KCNJ6: variants seen among roughly 807,000 people sequenced by gnomAD.
The protein encoded by KCNJ6 is G protein-activated inward rectifier potassium channel 2.
In KCNJ6, 9 loss-of-function variants were observed where a neutral mutation model predicts 34.2. The observed-to-expected ratio is 0.26, with a 90% CI of 0.16 to 0.46. The LOEUF (loss-of-function observed/expected upper bound fraction) is 0.46. KCNJ6 is among the 20% of genes least tolerant of loss of function. The pLI is 1.00. For synonymous variants in KCNJ6, 196 were observed against 207.1 expected (o/e 0.95, Z 0.46); for missense variants, 236 against 531.3 (o/e 0.44, Z 5.46).
intron 1 of KCNJ6, among the ~76,000 whole-genome samples, chr21:37,874,090 T>G (rs148592543): frequency 6.6e-6 from 1 of 152,316 alleles, no homozygotes; most frequent in East Asian, 1.9e-4. Context: ...AAACTCATCC[T>G]AATCAGGGGT....
intron 2 of KCNJ6, among the ~76,000 whole-genome samples, chr21:37,799,985 A>G (rs908173857): frequency 6.3e-4 from 96 of 152,232 alleles, no homozygotes; most frequent in African/African-American, 2.2e-3. Context: ...AAATGCCTCT[A>G]TCTGTTAAAC....
chr21:37,912,338 G>T (rs2055870820), intron 1 of KCNJ6, among the ~76,000 whole-genome samples: 1 of 152,204 alleles, frequency 6.6e-6, no homozygotes, highest in African/African-American at 2.4e-5. Flanking sequence ...ATAGTTCGGT[G>T]AATAAGCACT....
rs1384384532 is a variant in KCNJ6, at chr21:37,675,866, G to A, written c.946+38345C>T. 6.7e-6 allele frequency among the ~76,000 whole-genome samples: 1 copy of A among 148,552 alleles called. No individual in the cohort carries two copies. Among genetic ancestry groups the A allele is most frequent in the African/African-American group, 2.5e-5 (1 of 40,358 alleles). Reference sequence around the variant, plus strand: ...CCTGACCCCAACCCATGTCAATAGCGGGGGTGGGGGTGGGGGTGGGGGTGG... The same window carrying A: ...CCTGACCCCAACCCATGTCAATAGCAGGGGTGGGGGTGGGGGTGGGGGTGG... On this transcript the variant is annotated intron_variant, in intron 3 of 3. Coordinates refer to ENST00000609713, the MANE Select transcript of KCNJ6 (RefSeq NM_002240.5). This position sits in a 1 kb window ranked among gnomAD's most constrained non-coding sequence, Gnocchi z 4.2.
rs1346663378 is a variant in KCNJ6 at position 37,610,113 on chromosome 21, GA to G, written c.*15045del. On this transcript the variant is annotated 3_prime_UTR_variant, in exon 4 of 4. Transcript: ENST00000609713. Reference sequence around the variant, plus strand: ...CCAGCAAGGGAATCAGTTAAATGATGAAAACAGCTGAGACTTAAAGCTGAAC... The same window carrying G: ...CCAGCAAGGGAATCAGTTAAATGATGAAACAGCTGAGACTTAAAGCTGAAC... 1.3e-5 allele frequency: 2 copies of G among 152,230 alleles called. No homozygotes were observed. Among genetic ancestry groups the G allele is most frequent in the African/African-American group, 4.8e-5 (2 of 41,442 alleles). 9.4% of individuals were successfully genotyped at this position (152,230 alleles called of 1,614,324 possible).
At chr21:37,746,793 G>A (rs1207929834) in intron 2 of KCNJ6, among the ~76,000 whole-genome samples, 2 of 152,200 alleles carry the variant, frequency 1.3e-5, no homozygotes, top group East Asian at 1.9e-4. Context: ...CTGACCATTT[G>A]GAATGGGAGT....
chr21:37,881,807 C>T (rs975545481), intron 1 of KCNJ6, among the ~76,000 whole-genome samples: 5 of 152,136 alleles, frequency 3.3e-5, no homozygotes, highest in African/African-American at 1.2e-4. Context: ...GTTAGGGCTT[C>T]ATCATATAAA....
intron 2 of KCNJ6, among the ~76,000 whole-genome samples, chr21:37,721,448 G>C (rs2054825870): frequency 1.3e-5 from 2 of 152,184 alleles, no homozygotes. Context: ...TTGAAAGCAG[G>C]GGCTCAAACA....
Position 37,714,384 on chromosome 21 carries a change from G to A in KCNJ6, c.773C>T (p.Thr258Met), listed in dbSNP as rs1273885204. 5.6e-6 allele frequency: 9 copies of A among 1,614,078 alleles called. No individual in the cohort carries two copies. The East Asian group carries it at 6.7e-5, about 12-fold the overall frequency. ...CGTGTAATACCCTACGTTGATATCC[G>A]TCTGGTTCAACGGGATGAACTCCCC... ...SEGEFIPLNQ[T>M]DINVGYYTGD... The change falls in exon 3 of 4, where the codon ACG (threonine) becomes ATG (methionine). Residue 258 changes from threonine (T) to methionine (M), a missense_variant. Around this residue, in one of 5 missense-constraint regions of KCNJ6, gnomAD observed 60 missense variants for 207.3 expected, o/e 0.29. Transcript: ENST00000609713. This position sits in a 1 kb window ranked among gnomAD's most constrained non-coding sequence, Gnocchi z 5.9.
intron 2 of KCNJ6, among the ~76,000 whole-genome samples, chr21:37,731,085 CAGAT>C (rs1226128064): frequency 8.8e-5 from 10 of 113,570 alleles, no homozygotes; most frequent in Admixed American, 8.6e-4. Context: ...TCTGCCATTG[CAGAT>C]AGATGAGAGA....
At chr21:37,688,087 T>G (rs983150325) in intron 3 of KCNJ6, among the ~76,000 whole-genome samples, 2 of 152,132 alleles carry the variant, frequency 1.3e-5, no homozygotes, top group Non-Finnish European at 2.9e-5. Flanking sequence ...TCTATTTCTA[T>G]AGCTGATTTT....
chr21:37,783,253 C>G (rs1167654529), intron 2 of KCNJ6, among the ~76,000 whole-genome samples: 1 of 152,180 alleles, frequency 6.6e-6, no homozygotes. Flanking sequence ...AGCAAAATAT[C>G]TGTGTGGTTT....
rs546011823 is a variant in KCNJ6 at position 37,911,701 on chromosome 21, T to C, written c.-28+4183A>G. Among the ~76,000 whole-genome samples the C allele has an allele frequency of 3.9e-5, 6 of 152,296 alleles. No individual in the cohort carries two copies. In the South Asian group the frequency reaches 1.2e-3, roughly 32 times the overall value. On this transcript the variant is annotated intron_variant, in intron 1 of 3. Transcript: ENST00000609713. ...TTTCCATTTCCATATTACTTACATA[T>C]CATTTGATAAAGGAAGAACTGGTGA...
In KCNJ6 at chr21:37,624,987, CTG is replaced by C. The variant is rs2054304195; in HGVS notation, c.*170_*171del. The C allele has an allele frequency of 3.3e-6, 2 of 610,840 alleles. No homozygotes were observed. The highest frequency in any genetic ancestry group is 2.1e-5 in the South Asian group (1 of 48,476). The allele number at this position is 610,840 out of a possible 1,614,324, so 37.8% of individuals were successfully genotyped here. ...ATGTCTACCTTGTCAATCTGAATAACTGAGAGAGGGCAGGTAGATATTTTACA... is the reference window on the plus strand; with the variant it reads ...ATGTCTACCTTGTCAATCTGAATAACAGAGAGGGCAGGTAGATATTTTACA... On this transcript the variant is annotated 3_prime_UTR_variant, in exon 4 of 4. Transcript: ENST00000609713.
chr21:37,892,203 T>C (rs1049390022), intron 1 of KCNJ6, among the ~76,000 whole-genome samples: 8 of 152,196 alleles, frequency 5.3e-5, no homozygotes, highest in Admixed American at 2.6e-4. Context: ...CTTCAGGAGA[T>C]GCAAATGTGC....
At chr21:37,766,781 G>C (rs1273882592) in intron 2 of KCNJ6, among the ~76,000 whole-genome samples, 1 of 152,148 alleles carries the variant, frequency 6.6e-6, no homozygotes, top group African/African-American at 2.4e-5. Flanking sequence ...ACAGCAGGAG[G>C]TGAGTGGTGG....
At chr21:37,777,708 TTC>T (rs1389142658) in intron 2 of KCNJ6, among the ~76,000 whole-genome samples, 9 of 152,220 alleles carry the variant, frequency 5.9e-5, no homozygotes, top group Non-Finnish European at 1.0e-4. Context: ...CAGGCGTCAC[TTC>T]TGGAAGTCAT....
chr21:37,842,025 A>G (rs1440167794), intron 1 of KCNJ6, among the ~76,000 whole-genome samples: 1 of 152,212 alleles, frequency 6.6e-6, no homozygotes, highest in African/African-American at 2.4e-5. Flanking sequence ...CAGTGTATAA[A>G]AGTGTTCAGT....
At chr21:37,799,076 C>T (rs991839574) in intron 2 of KCNJ6, among the ~76,000 whole-genome samples, 1 of 152,170 alleles carries the variant, frequency 6.6e-6, no homozygotes, top group African/African-American at 2.4e-5. Flanking sequence ...TCCTCCCATG[C>T]TCCACTCTCC....
chr21:37,849,315 G>A (rs1034522442), intron 1 of KCNJ6, among the ~76,000 whole-genome samples: 51 of 152,112 alleles, frequency 3.4e-4, no homozygotes, highest in African/African-American at 1.1e-3. Flanking sequence ...GTGGTTCAGC[G>A]TCTCTCTGGG....
Sources: allele counts gnomAD v4.1 joint callset (sites outside exome capture counted in the v4.1 genomes callset), GRCh38; gene constraint gnomAD v4.1.1; regional missense constraint gnomAD v4.1.1; non-coding constraint Gnocchi (gnomAD v3.1); transcripts MANE v1.5; gene names NCBI Gene and HGNC (gene_info 2026-07-23, HGNC 2026-07-21).